Variants in SSPN observed in about 807,000 individuals in gnomAD.
SSPN encodes the protein sarcospan.
Under a neutral mutation model 19.1 loss-of-function variants are expected in SSPN, and 15 were observed. The observed-to-expected ratio is 0.78, with a 90% confidence interval of 0.52 to 1.21. The LOEUF (loss-of-function observed/expected upper bound fraction) is 1.21. Among genes scored for constraint, SSPN ranks in the 50% most tolerant of loss-of-function variants. The pLI is 0.00. For missense variants in SSPN, 291 were observed against 314.0 expected, an observed-to-expected ratio of 0.93 and a Z score of 0.55; for synonymous variants, 147 against 140.3, an observed-to-expected ratio of 1.05 and a Z score of -0.34.
chr12:26,122,589 G>A, intron 1 of SSPN: 1 of 1,110,968 alleles, frequency 9.0e-7, no homozygotes, highest in Non-Finnish European at 1.1e-6. Context: ...CGCGGCGGCA[G>A]GGTCGGGCCC....
intron 2 of SSPN, among the ~76,000 whole-genome samples, chr12:26,225,644 TG>T (rs945048351): frequency 1.3e-5 from 2 of 152,058 alleles, no homozygotes; most frequent in Non-Finnish European, 2.9e-5. Flanking sequence ...TATACTTTTC[TG>T]TCTGAGGACT....
intron 1 of SSPN, among the ~76,000 whole-genome samples, chr12:26,202,478 A>C (rs1257271392): frequency 6.6e-6 from 1 of 152,224 alleles, no homozygotes; most frequent in Non-Finnish European, 1.5e-5. Flanking sequence ...CATTTGACTT[A>C]TATGCACTCT....
chr12:26,137,942 A>G (rs1203103593), intron 1 of SSPN, among the ~76,000 whole-genome samples: 1 of 151,860 alleles, frequency 6.6e-6, no homozygotes, highest in Non-Finnish European at 1.5e-5. Flanking sequence ...CTGGGATTAT[A>G]GGCATGAGTC....
intron 1 of SSPN, among the ~76,000 whole-genome samples, chr12:26,222,512 CTA>C (rs1945132640): frequency 6.6e-6 from 1 of 152,208 alleles, no homozygotes; most frequent in Non-Finnish European, 1.5e-5. Context: ...GGGGTAGGAA[CTA>C]TGAATATGTG....
At chr12:26,217,005 G>A (rs1945059641) in intron 1 of SSPN, among the ~76,000 whole-genome samples, 1 of 142,202 alleles carries the variant, frequency 7.0e-6, no homozygotes, top group Non-Finnish European at 1.5e-5. Context: ...AAGTCAGGTA[G>A]TGTGATGCCT....
intron 1 of SSPN, chr12:26,124,228 C>T (rs1195856335): frequency 1.6e-6 from 2 of 1,243,138 alleles, no homozygotes; most frequent in Non-Finnish European, 2.3e-6. Context: ...GCGAAACATT[C>T]ACTTATTGGA....
At chr12:26,124,136 CTTCTT>C (rs1486007381) in intron 1 of SSPN, 9 of 1,612,864 alleles carry the variant, frequency 5.6e-6, no homozygotes, top group Admixed American at 1.7e-5. Context: ...AATTCGGTCT[CTTCTT>C]TTCTTTTCTA....
At chr12:26,135,555 G>A (rs2256828) in intron 1 of SSPN, among the ~76,000 whole-genome samples, 123,337 of 152,102 alleles carry the variant, frequency 0.81, 53,824 homozygotes, top group Non-Finnish European at 0.96. Context: ...TCAGTCAGTC[G>A]TGCCCTTGAT....
At position 26,199,564 on chromosome 12, in the gene SSPN, A is replaced by T. The variant is rs542087471; in HGVS notation, c.279+3613A>T. 2.7e-4 allele frequency among the ~76,000 whole-genome samples: 41 copies of T among 152,336 alleles called. 1 individual carries two copies. In the South Asian group the frequency reaches 7.7e-3, roughly 28 times the overall value. Reference sequence around the variant, plus strand: ...GGGTACAGAGGATCCTAGGACAGAGAAGTGTGTTCTGCATTTTATTCTGTT... The same window carrying T: ...GGGTACAGAGGATCCTAGGACAGAGTAGTGTGTTCTGCATTTTATTCTGTT... On this transcript the variant is annotated intron_variant, in intron 1 of 2. Transcript: ENST00000242729.
At chr12:26,185,334 A>T (rs1029819311) in intron 1 of SSPN, among the ~76,000 whole-genome samples, 1 of 152,210 alleles carries the variant, frequency 6.6e-6, no homozygotes, top group Admixed American at 6.5e-5. Flanking sequence ...CATGTTAAGT[A>T]AAAAATAGTT....
chr12:26,124,964 A>T, intron 1 of SSPN: 1 of 633,752 alleles, frequency 1.6e-6, no homozygotes, highest in Non-Finnish European at 2.9e-6. Context: ...GCTCGCACAC[A>T]CACACGCACA....
chr12:26,123,928 C>T, intron 1 of SSPN: 1 of 748,970 alleles, frequency 1.3e-6, no homozygotes. Context: ...GCACCTACTC[C>T]AGTTTGCGGG....
intron 1 of SSPN, chr12:26,124,233 A>T: frequency 8.6e-7 from 1 of 1,164,190 alleles, no homozygotes; most frequent in Non-Finnish European, 1.3e-6. Flanking sequence ...ACATTCACTT[A>T]TTGGATATTA....
chr12:26,213,469 A>T (rs1397841627), intron 1 of SSPN, among the ~76,000 whole-genome samples: 1 of 151,904 alleles, frequency 6.6e-6, no homozygotes, highest in East Asian at 1.9e-4. Context: ...ATTTCACTAG[A>T]CCCAGAGCTA....
intron 2 of SSPN, 38 bp downstream of exon 2, chr12:26,224,417 AG>A: frequency 6.6e-7 from 1 of 1,505,186 alleles, no homozygotes; most frequent in Non-Finnish European, 9.2e-7. Flanking sequence ...ATCATCACAT[AG>A]AAAGAAATCC....
rs1490246721 is a variant in SSPN at position 26,122,162 on chromosome 12, G to C, written c.-31+10G>C. ...GCCCGGCGAAGGGCAGGTGGGTGCG[G>C]CCGTGCGGGTGCTGGGGGTGCGGCG... On this transcript the variant is annotated intron_variant, in intron 1 of 2. Coordinates refer to the SSPN transcript ENST00000538142. 3 of 1,537,962 alleles carry C rather than the reference G, an allele frequency of 2.0e-6. No individual in the cohort carries two copies. In the African/African-American group the frequency reaches 4.2e-5, roughly 21 times the overall value.
chr12:26,163,274 C>A, intron 1 of SSPN, among the ~76,000 whole-genome samples: 1 of 152,122 alleles, frequency 6.6e-6, no homozygotes, highest in East Asian at 1.9e-4. Flanking sequence ...CAATTAATAC[C>A]TTCTCTATAA....
At chr12:26,187,905 A>C (rs1038061621) in intron 1 of SSPN, among the ~76,000 whole-genome samples, 9 of 152,360 alleles carry the variant, frequency 5.9e-5, no homozygotes, top group African/African-American at 2.2e-4. Flanking sequence ...GGGTATAAGA[A>C]GAGAAAGAAT....
chr12:26,163,023 GC>G (rs1277303739), intron 1 of SSPN, among the ~76,000 whole-genome samples: 2 of 125,456 alleles, frequency 1.6e-5, no homozygotes, highest in African/African-American at 2.7e-5. Context: ...AGACGTGTGT[GC>G]TTCAAGACGT....
Sources: allele counts gnomAD v4.1 joint callset (sites outside exome capture counted in the v4.1 genomes callset), GRCh38; gene constraint gnomAD v4.1.1; transcripts MANE v1.5; gene names NCBI Gene and HGNC (gene_info 2026-07-23, HGNC 2026-07-21).